DHX9: variants seen among roughly 807,000 people sequenced by gnomAD.
DHX9 encodes ATP-dependent RNA helicase A.
A neutral mutation model predicts 148.7 loss-of-function variants in DHX9; 27 were observed. The ratio of observed to expected loss-of-function variants is 0.18; its 90% CI spans 0.13 to 0.25. The LOEUF (loss-of-function observed/expected upper bound fraction) is 0.25, where lower values mean the gene tolerates loss of function less well. Among genes scored for constraint, DHX9 ranks in the 10% least tolerant of loss-of-function variants. The pLI, the probability that DHX9 is intolerant of heterozygous loss-of-function variation, is 1.00. For missense variants in DHX9, 796 were observed against 1,559.6 expected, an observed-to-expected ratio of 0.51 and a Z score of 8.25; for synonymous variants, 529 against 516.6, an observed-to-expected ratio of 1.02 and a Z score of -0.33.
rs1403584355 is a variant in DHX9 at position 182,887,095 on chromosome 1, T to C, written c.3474T>C (p.Gly1158=). ...LMIGSTRYGD[G]PRPPKMARYD... is the part of the protein sequence containing the mutation. ...GTGCTTTTCCTAGGTATGGAGATGG[T>C]CCACGTCCTCCCAAGATGGCCCGAT... Residue 1158 remains glycine (G), a synonymous_variant, in exon 28 of 28, where the codon GGT becomes GGC. Transcript: ENST00000367549. The C allele has an allele frequency of 5.0e-6, 8 of 1,614,150 alleles. No homozygotes were observed. Among genetic ancestry groups the C allele is most frequent in the Non-Finnish European group, 6.8e-6 (8 of 1,179,982 alleles).
At chr1:182,871,933 A>G (rs1297804640) in intron 14 of DHX9, among the ~76,000 whole-genome samples, 1 of 152,088 alleles carries the variant, frequency 6.6e-6, no homozygotes, top group Non-Finnish European at 1.5e-5. Flanking sequence ...CAGTCTCCTG[A>G]GTACCTGGGA....
At chr1:182,878,686 T>A (rs1648938469) in intron 20 of DHX9, among the ~76,000 whole-genome samples, 1 of 152,236 alleles carries the variant, frequency 6.6e-6, no homozygotes, top group Admixed American at 6.5e-5. Context: ...GGATTTTTTT[T>A]CTTGGTAATA....
At chr1:182,858,042 A>G in intron 7 of DHX9, 62 bp from the exon 8 acceptor site, 1 of 1,544,684 alleles carries the variant, frequency 6.5e-7, no homozygotes, top group Admixed American at 2.0e-5. Context: ...GTTTCTTGTG[A>G]TAAGATGTTT....
At chr1:182,847,189 A>G (rs768191337) in intron 3 of DHX9, among the ~76,000 whole-genome samples, 5 of 152,198 alleles carry the variant, frequency 3.3e-5, no homozygotes, top group African/African-American at 4.8e-5. Context: ...GCCTACTACT[A>G]CTAACATCTG....
At position 182,869,647 on chromosome 1, in the gene DHX9, TC is replaced by T. The variant is rs1477280428; in HGVS notation, c.1557+2606del. On this transcript the variant is annotated intron_variant, in intron 14 of 27. Transcript: ENST00000367549. ...CAGTCTTGTCTTGGAGTTTCACTCT[TC>T]CGCCCAGGCTAGAGTGAAGTTTCGG... Among the ~76,000 whole-genome samples the T allele has an allele frequency of 2.3e-4, 35 of 152,170 alleles. 1 individual carries two copies. The highest frequency in any genetic ancestry group is 4.0e-4 in the Non-Finnish European group (27 of 68,034).
chr1:182,882,013 A>G (rs1186026552), intron 24 of DHX9, among the ~76,000 whole-genome samples: 1 of 152,230 alleles, frequency 6.6e-6, no homozygotes, highest in Non-Finnish European at 1.5e-5. Flanking sequence ...TTTTCCAACT[A>G]GGTTAAAATA....
chr1:182,852,082 GC>G (rs1668160907), intron 3 of DHX9, 150 bp from the exon 4 acceptor site: 1 of 497,420 alleles, frequency 2.0e-6, no homozygotes, highest in Non-Finnish European at 3.6e-6. Flanking sequence ...ATTTTGAGAT[GC>G]ACTGCTCTAG....
chr1:182,849,265 C>T (rs1346548829), intron 3 of DHX9, among the ~76,000 whole-genome samples: 1 of 152,122 alleles, frequency 6.6e-6, no homozygotes, highest in Non-Finnish European at 1.5e-5. Context: ...TATAGTGAAA[C>T]TCCATGTTTC....
chr1:182,882,478 CT>C (rs1292569166), intron 24 of DHX9, among the ~76,000 whole-genome samples: 10 of 152,316 alleles, frequency 6.6e-5, no homozygotes, highest in African/African-American at 2.4e-4. Flanking sequence ...TTCTCTACAA[CT>C]AACAGCTATT....
intron 3 of DHX9, 62 bp downstream of exon 3, chr1:182,843,496 G>A (rs945337480): frequency 1.5e-5 from 20 of 1,364,490 alleles, no homozygotes; most frequent in South Asian, 4.6e-5. Flanking sequence ...CTCAATATGC[G>A]TAAGAGACTC....
At chr1:182,863,842 CT>C (rs1648131562) in intron 12 of DHX9, among the ~76,000 whole-genome samples, 1 of 151,712 alleles carries the variant, frequency 6.6e-6, no homozygotes, top group Non-Finnish European at 1.5e-5. Flanking sequence ...ATACATACAC[CT>C]TGGGGAAATT....
chr1:182,887,531 AG>A lies in DHX9; in HGVS notation c.*98del. 1 of 1,113,868 alleles carries A rather than the reference AG, an allele frequency of 9.0e-7. No homozygotes were observed. The highest frequency in any genetic ancestry group is 1.6e-5 in the South Asian group (1 of 61,924). 69.0% of individuals were successfully genotyped at this position (1,113,868 alleles called of 1,614,324 possible). A position where few individuals can be genotyped will look rare whatever the true frequency, so the allele number is the denominator to read the frequency against. On this transcript the variant is annotated 3_prime_UTR_variant, in exon 28 of 28. Coordinates refer to ENST00000367549, the MANE Select transcript of DHX9 (RefSeq NM_001357.5). The stretch of plus-strand genomic sequence containing the variant: ...CCAGTATGTTTATTTGCCACCAAAA[AG>A]TAAATGCATTTTCACCCATTCTGTG...
At chr1:182,876,367 G>A (rs1395858887) in intron 17 of DHX9, 80 bp from the exon 18 acceptor site, 22 of 1,559,166 alleles carry the variant, frequency 1.4e-5, no homozygotes, top group Middle Eastern at 3.4e-4. Flanking sequence ...TTCTACTTTC[G>A]AATAAAAATA....
In DHX9 at chr1:182,881,657, C is replaced by G; in HGVS notation, c.2914+10C>G. On this transcript the variant is annotated intron_variant, in intron 24 of 27. Transcript: ENST00000367549. ...TCTGGGTTTCCAGAAGGTAAGACTT[C>G]TTCCATTCTTAAGATATCTTTAAAG... The G allele has an allele frequency of 6.3e-7, 1 of 1,584,406 alleles. No homozygotes were observed. Among genetic ancestry groups the G allele is most frequent in the South Asian group, 1.2e-5 (1 of 85,300 alleles).
chr1:182,850,364 G>A (rs1480658643), intron 3 of DHX9, among the ~76,000 whole-genome samples: 2 of 152,088 alleles, frequency 1.3e-5, no homozygotes, highest in African/African-American at 4.8e-5. Context: ...GGAGATAGAG[G>A]CAGGAGGATC....
At chr1:182,877,121 C>T (rs1648839966) in intron 19 of DHX9, 1 of 462,576 alleles carries the variant, frequency 2.2e-6, no homozygotes, top group Non-Finnish European at 3.8e-6. Context: ...AAGCTTGAAA[C>T]TGTAACTGAT....
At chr1:182,859,192 C>A (rs1668310389) in intron 11 of DHX9, 75 bp downstream of exon 11, 1 of 1,372,854 alleles carries the variant, frequency 7.3e-7, no homozygotes, top group Non-Finnish European at 1.0e-6. Flanking sequence ...AGTCAATGAG[C>A]AGTACATTTT....
intron 3 of DHX9, among the ~76,000 whole-genome samples, chr1:182,848,236 C>T (rs1668067672): frequency 6.6e-6 from 1 of 152,222 alleles, no homozygotes; most frequent in Admixed American, 6.5e-5. Flanking sequence ...CTTTTTAACT[C>T]AGTGTTTCTC....
At chr1:182,872,739 G>T (rs1224458786) in intron 15 of DHX9, among the ~76,000 whole-genome samples, 1 of 152,052 alleles carries the variant, frequency 6.6e-6, no homozygotes, top group Non-Finnish European at 1.5e-5. Context: ...TAAGTTTCCA[G>T]GCCTTTACTT....
Sources: gnomAD v4.1 joint callset for allele counts (sites outside exome capture counted in the v4.1 genomes callset) on GRCh38, gnomAD v4.1.1 for gene constraint, MANE v1.5 for transcripts, NCBI Gene and HGNC (gene_info 2026-07-23, HGNC 2026-07-21) for gene names.